Variants in SRBD1 observed in about 807,000 individuals in gnomAD.
SRBD1 encodes the protein S1 RNA binding domain 1.
SRBD1 carries 88 observed loss-of-function variants against 115.3 expected under a neutral mutation model. That is an observed-to-expected ratio of 0.76 (90% CI 0.64 to 0.91). SRBD1 has a LOEUF of 0.91. SRBD1 is among the 40% of genes least tolerant of loss of function. The pLI is 0.00. For missense variants in SRBD1, 1,385 were observed against 1,177.4 expected, an observed-to-expected ratio of 1.18 and a Z score of -2.58; for synonymous variants, 509 against 407.7, an observed-to-expected ratio of 1.25 and a Z score of -2.99.
intron 19 of SRBD1, among the ~76,000 whole-genome samples, chr2:45,407,636 T>C (rs1667476193): frequency 6.6e-6 from 1 of 152,124 alleles, no homozygotes; most frequent in Middle Eastern, 3.2e-3. Context: ...AGAGTAATTA[T>C]TAAAGTAAAG....
chr2:45,521,822 G>C (rs1572729783), intron 14 of SRBD1, among the ~76,000 whole-genome samples: 1 of 151,896 alleles, frequency 6.6e-6, no homozygotes, highest in East Asian at 1.9e-4. Context: ...TTAAAAATTA[G>C]CCAGGCATGG....
chr2:45,577,293 G>C (rs1053133920), intron 7 of SRBD1, among the ~76,000 whole-genome samples: 2 of 152,200 alleles, frequency 1.3e-5, no homozygotes, highest in African/African-American at 2.4e-5. Context: ...AAAGGGAATA[G>C]ATCTTGTGGG....
chr2:45,484,534 T>A (rs752155756), intron 15 of SRBD1, among the ~76,000 whole-genome samples: 4 of 152,166 alleles, frequency 2.6e-5, no homozygotes, highest in African/African-American at 9.7e-5. Flanking sequence ...AGTAAAAAGA[T>A]AGTTCCTCAA....
chr2:45,505,511 G>A (rs1670770938), intron 14 of SRBD1, among the ~76,000 whole-genome samples: 1 of 152,164 alleles, frequency 6.6e-6, no homozygotes, highest in African/African-American at 2.4e-5. Flanking sequence ...CGTATCCTGT[G>A]TGTATAATTT....
chr2:45,609,295 C>T (rs1185785707), intron 1 of SRBD1, among the ~76,000 whole-genome samples: 1 of 152,142 alleles, frequency 6.6e-6, no homozygotes, highest in African/African-American at 2.4e-5. Flanking sequence ...TCTTTCATCT[C>T]ACATATCCAG....
intron 20 of SRBD1, 133 bp from the exon 21 acceptor site, chr2:45,389,732 G>A: frequency 4.6e-6 from 4 of 871,708 alleles, no homozygotes; most frequent in Non-Finnish European, 5.1e-6. Flanking sequence ...TATAAAAGGA[G>A]CTGCAGACCA....
chr2:45,455,514 CAT>C (rs1669125056), intron 16 of SRBD1, among the ~76,000 whole-genome samples: 1 of 151,760 alleles, frequency 6.6e-6, no homozygotes, highest in Non-Finnish European at 1.5e-5. Flanking sequence ...CGTAACTTGA[CAT>C]GTGTAATCTT....
rs1030794273 is a variant in SRBD1 at position 45,495,349 on chromosome 2, C to T, written c.1875-7018G>A. Among the ~76,000 whole-genome samples, 6 of 152,122 alleles carry T rather than the reference C, an allele frequency of 3.9e-5. No individual in the cohort carries two copies. In the South Asian group the frequency reaches 6.2e-4, roughly 16 times the overall value. ...AAAAGCAAATCAACAAACTGAAGGA[C>T]AAAAAAGATGGAAAGTTTGTTTCCT... On this transcript the variant is annotated intron_variant, in intron 14 of 20. Transcript: ENST00000263736.
At chr2:45,528,983 A>C (rs1456493947) in intron 14 of SRBD1, among the ~76,000 whole-genome samples, 3 of 151,938 alleles carry the variant, frequency 2.0e-5, no homozygotes, top group African/African-American at 7.2e-5. Context: ...GTACAGATAG[A>C]AGTGCTCAAA....
At chr2:45,431,786 A>C (rs1158483683) in intron 16 of SRBD1, among the ~76,000 whole-genome samples, 1 of 152,188 alleles carries the variant, frequency 6.6e-6, no homozygotes, top group African/African-American at 2.4e-5. Flanking sequence ...TAGAAAAAAA[A>C]CAAAAACAAA....
intron 16 of SRBD1, among the ~76,000 whole-genome samples, chr2:45,429,081 C>A (rs1400128668): frequency 6.6e-6 from 1 of 152,070 alleles, no homozygotes; most frequent in African/African-American, 2.4e-5. Flanking sequence ...CATATACCCA[C>A]CCAAGACTAC....
chr2:45,414,400 T>C (rs1251377057), intron 18 of SRBD1, among the ~76,000 whole-genome samples: 4 of 150,566 alleles, frequency 2.7e-5, no homozygotes, highest in African/African-American at 7.4e-5. Flanking sequence ...TGTAAATATA[T>C]ATACATTATG....
At chr2:45,471,077 T>C (rs887934245) in intron 16 of SRBD1, among the ~76,000 whole-genome samples, 3 of 152,216 alleles carry the variant, frequency 2.0e-5, no homozygotes, top group African/African-American at 7.2e-5. Flanking sequence ...ATTAAGTTTA[T>C]ACTGAAAGCA....
At chr2:45,452,425 T>C (rs1234707574) in intron 16 of SRBD1, among the ~76,000 whole-genome samples, 6 of 151,948 alleles carry the variant, frequency 3.9e-5, no homozygotes, top group Non-Finnish European at 8.8e-5. Flanking sequence ...ATATCCATAA[T>C]ATTTGTATAT....
intron 14 of SRBD1, among the ~76,000 whole-genome samples, chr2:45,496,021 A>G (rs926402655): frequency 6.6e-6 from 1 of 152,220 alleles, no homozygotes; most frequent in African/African-American, 2.4e-5. Flanking sequence ...ATTTACTCAT[A>G]TAATACCAGA....
intron 14 of SRBD1, among the ~76,000 whole-genome samples, chr2:45,525,997 C>T (rs1002039772): frequency 1.3e-5 from 2 of 152,004 alleles, no homozygotes; most frequent in South Asian, 4.2e-4. Flanking sequence ...AAATCAGAAC[C>T]CTCATACACT....
At chr2:45,411,696 T>C (rs1020727860) in intron 19 of SRBD1, among the ~76,000 whole-genome samples, 1 of 152,172 alleles carries the variant, frequency 6.6e-6, no homozygotes, top group Non-Finnish European at 1.5e-5. Flanking sequence ...GTTACGTAAA[T>C]GTGACCTCAA....
Position 45,419,781 on chromosome 2 carries a change from G to T in SRBD1, c.2156+7C>A, listed in dbSNP as rs768082399. The T allele has an allele frequency of 6.2e-7, 1 of 1,612,130 alleles. No individual in the cohort carries two copies. The highest frequency in any genetic ancestry group is 1.3e-5 in the African/African-American group (1 of 74,880). ...TTCTGTGATCTTCAGCCACATATTT[G>T]TCTCACCTTAACAAAACTTCTGAAC... On this transcript the variant is annotated splice_region_variant and intron_variant, in intron 17 of 20. Transcript: ENST00000263736.
At chr2:45,478,796 G>A (rs1669877061) in intron 15 of SRBD1, among the ~76,000 whole-genome samples, 1 of 152,066 alleles carries the variant, frequency 6.6e-6, no homozygotes. Context: ...CCCCACAACA[G>A]TAAACCAAGT....
Sources: gnomAD v4.1 joint callset for allele counts (sites outside exome capture counted in the v4.1 genomes callset) on GRCh38, gnomAD v4.1.1 for gene constraint, MANE v1.5 for transcripts, NCBI Gene and HGNC (gene_info 2026-07-23, HGNC 2026-07-21) for gene names.